TMC2: variants seen among roughly 807,000 people sequenced by gnomAD.
TMC2 encodes the protein transmembrane channel like 2, also known as transmembrane channel-like protein 2.
Under a neutral mutation model 105.9 loss-of-function variants are expected in TMC2, and 102 were observed. The ratio of observed to expected loss-of-function variants is 0.96; its 90% CI spans 0.82 to 1.14. The LOEUF (loss-of-function observed/expected upper bound fraction) is 1.14. Ranked by LOEUF, TMC2 falls within the 50% of genes most tolerant of loss-of-function variation. TMC2 has a pLI of 0.00. For synonymous variants in TMC2, 402 were observed against 422.8 expected (o/e 0.95, Z 0.60); for missense variants, 1,093 against 1,134.3 (o/e 0.96, Z 0.52).
Position 2,610,547 on chromosome 20 carries a change from G to A in TMC2, c.1542G>A (p.Leu514=), listed in dbSNP as rs2086428985. 6.2e-7 allele frequency: 1 copy of A among 1,613,278 alleles called. No individual in the cohort carries two copies. Among genetic ancestry groups the A allele is most frequent in the Admixed American group, 1.7e-5 (1 of 59,914 alleles). ...TGGGACGCATCTTTGCACTCTTCCT[G>A]GGGAACCTCTACACATTTCTCTTGG... ...WQLGRIFALF[L]GNLYTFLLAL... The change falls in exon 12 of 20, where the codon CTG becomes CTA. Residue 514 remains leucine, a synonymous_variant. Transcript: ENST00000358864.
intron 4 of TMC2, among the ~76,000 whole-genome samples, chr20:2,569,910 C>G (rs1429375475): frequency 6.6e-6 from 1 of 152,170 alleles, no homozygotes; most frequent in Non-Finnish European, 1.5e-5. Context: ...TATTCCTGCT[C>G]CACGTTTGAT....
chr20:2,622,658 ACGACAGAGAGAGACTCTGTCT>A (rs2086533765), intron 16 of TMC2, among the ~76,000 whole-genome samples: 1 of 152,018 alleles, frequency 6.6e-6, no homozygotes, highest in Admixed American at 6.6e-5. Flanking sequence ...TCCAGCCTGG[ACGACAGAGAGAGACTCTGTCT>A]CAAAAAAAAA....
Position 2,612,757 on chromosome 20 carries a change from T to G in TMC2, c.1743+417T>G, listed in dbSNP as rs151216333. ...GCAGAAGATGAAAAAAGCTAGGCATTGTCTCCAGTGACTGACGGTCACATT... is the reference window on the plus strand; with the variant it reads ...GCAGAAGATGAAAAAAGCTAGGCATGGTCTCCAGTGACTGACGGTCACATT... On this transcript the variant is annotated intron_variant, in intron 13 of 19. Transcript: ENST00000358864. Among the ~76,000 whole-genome samples, 413 of 152,200 alleles carry G rather than the reference T, an allele frequency of 2.7e-3. 2 individuals carry two copies. The highest frequency in any genetic ancestry group is 9.6e-3 in the African/African-American group (397 of 41,520).
At chr20:2,586,671 C>T (rs938304747) in intron 7 of TMC2, among the ~76,000 whole-genome samples, 2 of 152,064 alleles carry the variant, frequency 1.3e-5, no homozygotes, top group African/African-American at 4.8e-5. Flanking sequence ...TCACTTATCA[C>T]CAAGGGGATA....
chr20:2,640,755 T>C (rs1010418133), intron 19 of TMC2, among the ~76,000 whole-genome samples: 2 of 152,150 alleles, frequency 1.3e-5, no homozygotes, highest in African/African-American at 4.8e-5. Context: ...TAATGAAGGA[T>C]TGGAAAGTAG....
Position 2,579,232 on chromosome 20 carries a change from G to C in TMC2, c.727+5G>C, listed in dbSNP as rs755499824. ...TGAAGATCAAGGACATTGAAAGTGA[G>C]TATGCTGGTGTCACTGTTTTTTTAA... On this transcript the variant is annotated splice_donor_5th_base_variant and intron_variant, in intron 6 of 19. Transcript: ENST00000358864. 1 of 1,549,108 alleles carries C rather than the reference G, an allele frequency of 6.5e-7. No individual in the cohort carries two copies. Among genetic ancestry groups the C allele is most frequent in the Admixed American group, 1.7e-5 (1 of 59,806 alleles).
At chr20:2,625,525 A>G (rs1000298109) in intron 17 of TMC2, among the ~76,000 whole-genome samples, 2 of 152,234 alleles carry the variant, frequency 1.3e-5, no homozygotes, top group Non-Finnish European at 2.9e-5. Flanking sequence ...CTCACATTAC[A>G]TGCTTTTCCT....
At chr20:2,575,337 A>T (rs1011325817) in intron 5 of TMC2, among the ~76,000 whole-genome samples, 20 of 152,208 alleles carry the variant, frequency 1.3e-4, no homozygotes, top group African/African-American at 4.8e-4. Flanking sequence ...TTTTAACTTT[A>T]ACTTTTACTA....
intron 11 of TMC2, among the ~76,000 whole-genome samples, chr20:2,606,299 A>G (rs2086391238): frequency 6.6e-6 from 1 of 152,124 alleles, no homozygotes. Flanking sequence ...TCGCTCTGTC[A>G]CCCAGGCTGG....
At chr20:2,568,230 A>G (rs1158461862) in intron 4 of TMC2, among the ~76,000 whole-genome samples, 1 of 152,252 alleles carries the variant, frequency 6.6e-6, no homozygotes, top group Non-Finnish European at 1.5e-5. Context: ...AGGCAGTCAG[A>G]CAGAAACAAA....
chr20:2,582,135 TTA>T (rs1294656092), intron 7 of TMC2, among the ~76,000 whole-genome samples: 1 of 152,050 alleles, frequency 6.6e-6, no homozygotes. Flanking sequence ...TGGGAATGGA[TTA>T]AAAGAGAGGA....
At chr20:2,634,812 T>A (rs2086629825) in intron 17 of TMC2, among the ~76,000 whole-genome samples, 1 of 152,212 alleles carries the variant, frequency 6.6e-6, no homozygotes. Flanking sequence ...TCACCTGTCC[T>A]TTATTCTCTC....
Position 2,624,381 on chromosome 20 carries a change from C to G in TMC2, c.2291C>G (p.Ala764Gly). The G allele has an allele frequency of 6.2e-7, 1 of 1,613,858 alleles. No individual in the cohort carries two copies. Among genetic ancestry groups the G allele is most frequent in the East Asian group, 2.2e-5 (1 of 44,874 alleles). Residue 764 changes from alanine (A) to glycine (G), a missense_variant, in exon 17 of 20, where the codon GCC (alanine) becomes GGC (glycine). Transcript: ENST00000358864. ...GCCAATCCAGGCCTGATCATCCCAG[C>G]CATCCTGCTGATGTTGTAAGTTAGC... Reference protein sequence around the residue: ...FLANPGLIIPAILLMFLAIYY... With the variant: ...FLANPGLIIPGILLMFLAIYY...
intron 17 of TMC2, among the ~76,000 whole-genome samples, chr20:2,632,584 G>A (rs750123204): frequency 2.6e-5 from 4 of 151,666 alleles, no homozygotes; most frequent in Non-Finnish European, 5.9e-5. Flanking sequence ...GATTTTTGGG[G>A]TTTTTTGTTT....
At position 2,616,282 on chromosome 20, in the gene TMC2, T is replaced by A; in HGVS notation, c.1940+78T>A. ...GGAATCCCAGACTTTGCAACTTAACTAGTTGGAAGAGGCTAGATAAGTCCT... is the reference window on the plus strand; with the variant it reads ...GGAATCCCAGACTTTGCAACTTAACAAGTTGGAAGAGGCTAGATAAGTCCT... On this transcript the variant is annotated intron_variant, in intron 15 of 19. Coordinates refer to ENST00000358864, the MANE Select transcript of TMC2 (RefSeq NM_080751.3). The surrounding 1 kb of genome is among the most constrained non-coding windows in gnomAD (Gnocchi z 4.8). The A allele has an allele frequency of 8.2e-7, 1 of 1,215,818 alleles. No homozygotes were observed. Among genetic ancestry groups the A allele is most frequent in the Non-Finnish European group, 1.2e-6 (1 of 818,266 alleles). The allele number at this position is 1,215,818 out of a possible 1,614,324, so 75.3% of individuals were successfully genotyped here. A position where few individuals can be genotyped will look rare whatever the true frequency, so the allele number is the denominator to read the frequency against.
intron 11 of TMC2, among the ~76,000 whole-genome samples, chr20:2,608,672 A>G (rs1164271434): frequency 1.3e-5 from 2 of 152,000 alleles, no homozygotes; most frequent in Non-Finnish European, 2.9e-5. Context: ...ATCTTCACTA[A>G]ACTGCAGCAC....
At position 2,602,233 on chromosome 20, in the gene TMC2, T is replaced by C. The variant is rs1251691667; in HGVS notation, c.1345T>C (p.Tyr449His). 2 of 1,613,512 alleles carry C rather than the reference T, an allele frequency of 1.2e-6. No homozygotes were observed. Among genetic ancestry groups the C allele is most frequent in the East Asian group, 2.2e-5 (1 of 44,824 alleles). ...CCLCGSGYLI[Y>H]FVVKRSQQFS... ...TTTGTGTGGAAGTGGGTACCTCATT[T>C]ACTTTGTGGTTAAGCGATCTCAGCA... Residue 449 changes from tyrosine to histidine, a missense_variant, in exon 11 of 20, where the codon TAC becomes CAC. By Grantham distance (83) the Tyr-to-His change is moderately conservative. Transcript: ENST00000358864.
Position 2,569,717 on chromosome 20 carries a change from T to C in TMC2, c.555-2462T>C, listed in dbSNP as rs560880617. 5.9e-5 allele frequency among the ~76,000 whole-genome samples: 9 copies of C among 152,338 alleles called. No individual in the cohort carries two copies. The South Asian group carries it at 1.9e-3, about 32-fold the overall frequency. On this transcript the variant is annotated intron_variant, in intron 4 of 19. Coordinates refer to ENST00000358864, the MANE Select transcript of TMC2 (RefSeq NM_080751.3). ...AGTTCTGTAGGTCAGAAGTCCAGCA[T>C]GGCATGGCTGGATTCTCTGTTCAGG... is the stretch of plus-strand genomic sequence containing the variant.
intron 7 of TMC2, among the ~76,000 whole-genome samples, chr20:2,591,369 C>T (rs148994686): frequency 3.0e-4 from 46 of 152,124 alleles, no homozygotes; most frequent in African/African-American, 1.0e-3. Flanking sequence ...AAATATCTAA[C>T]AGTCATTATC....
Sources: allele counts gnomAD v4.1 joint callset (sites outside exome capture counted in the v4.1 genomes callset), GRCh38; gene constraint gnomAD v4.1.1; non-coding constraint Gnocchi (gnomAD v3.1); transcripts MANE v1.5; gene names NCBI Gene and HGNC (gene_info 2026-07-23, HGNC 2026-07-21).